PLXDC2: variants seen among roughly 807,000 people sequenced by gnomAD.
PLXDC2 encodes the protein plexin domain containing 2, also known as plexin domain-containing protein 2.
PLXDC2 carries 40 observed loss-of-function variants against 68.9 expected under a neutral mutation model. That is an observed-to-expected ratio of 0.58 (90% CI 0.45 to 0.76). The LOEUF (loss-of-function observed/expected upper bound fraction) is 0.76. Ranked by LOEUF, PLXDC2 falls within the 30% of genes least tolerant of loss-of-function variation. The pLI, the probability that PLXDC2 is intolerant of heterozygous loss-of-function variation, is 0.00. For synonymous variants in PLXDC2, 243 were observed against 234.2 expected (o/e 1.04, Z -0.34); for missense variants, 644 against 661.9 (o/e 0.97, Z 0.30).
intron 1 of PLXDC2, among the ~76,000 whole-genome samples, chr10:19,865,264 T>C (rs1239700727): frequency 1.3e-5 from 2 of 152,190 alleles, no homozygotes; most frequent in African/African-American, 4.8e-5. Flanking sequence ...GTGGCTTCTC[T>C]CCTGGGTGAT....
intron 13 of PLXDC2, among the ~76,000 whole-genome samples, chr10:20,253,793 TA>T (rs1835709151): frequency 6.6e-6 from 1 of 152,322 alleles, no homozygotes; most frequent in Non-Finnish European, 1.5e-5. Context: ...ATGTTTGATA[TA>T]AAAAATGATT....
chr10:20,074,482 A>C (rs542531159), intron 4 of PLXDC2, among the ~76,000 whole-genome samples: 56 of 152,222 alleles, frequency 3.7e-4, no homozygotes, highest in African/African-American at 1.3e-3. Flanking sequence ...AACTTAGAGT[A>C]GTTTCCTATA....
chr10:19,917,258 G>C (rs1479764788), intron 1 of PLXDC2, among the ~76,000 whole-genome samples: 1 of 151,940 alleles, frequency 6.6e-6, no homozygotes, highest in African/African-American at 2.4e-5. Flanking sequence ...CACAGAGGCA[G>C]GATAGAACTG....
chr10:20,122,392 G>T (rs368412567), intron 4 of PLXDC2, among the ~76,000 whole-genome samples: 1 of 152,202 alleles, frequency 6.6e-6, no homozygotes, highest in Non-Finnish European at 1.5e-5. Flanking sequence ...TGATGGTCTA[G>T]GGGGCTTTCG....
intron 4 of PLXDC2, among the ~76,000 whole-genome samples, chr10:20,127,683 A>G (rs1833811185): frequency 1.3e-5 from 2 of 152,106 alleles, no homozygotes; most frequent in Non-Finnish European, 2.9e-5. Context: ...GATAATTTTT[A>G]AGTCCTTAGA....
intron 1 of PLXDC2, among the ~76,000 whole-genome samples, chr10:19,959,247 T>G (rs539616889): frequency 4.6e-5 from 7 of 152,188 alleles, no homozygotes; most frequent in Non-Finnish European, 7.4e-5. Context: ...GAATGATTTT[T>G]AAGGAAAGGA....
intron 1 of PLXDC2, among the ~76,000 whole-genome samples, chr10:19,866,956 A>G (rs1464308246): frequency 6.6e-6 from 1 of 152,140 alleles, no homozygotes; most frequent in Non-Finnish European, 1.5e-5. Flanking sequence ...GGGTCAGCAG[A>G]AAAGAATATG....
chr10:20,009,044 G>A (rs1362256823), intron 2 of PLXDC2, among the ~76,000 whole-genome samples: 1 of 152,174 alleles, frequency 6.6e-6, no homozygotes, highest in Admixed American at 6.5e-5. Context: ...ATTATCCATA[G>A]ATGTGGAAAA....
intron 13 of PLXDC2, among the ~76,000 whole-genome samples, chr10:20,260,507 G>A (rs116313602): frequency 0.021 from 3,167 of 152,222 alleles, 120 homozygotes; most frequent in African/African-American, 0.071. Flanking sequence ...GTTCATCTAC[G>A]TTGTTGCAAA....
At chr10:20,262,899 C>T (rs1855085) in intron 13 of PLXDC2, among the ~76,000 whole-genome samples, 118,701 of 152,144 alleles carry the variant, frequency 0.78, 46,727 homozygotes, top group Middle Eastern at 0.84. Flanking sequence ...GCCAGATATA[C>T]TGAGCCATTA....
At chr10:20,052,949 G>T (rs529448258) in intron 3 of PLXDC2, among the ~76,000 whole-genome samples, 50 of 151,994 alleles carry the variant, frequency 3.3e-4, no homozygotes, top group Non-Finnish European at 5.7e-4. Flanking sequence ...TTTTTTTAAA[G>T]AAATATTTCC....
intron 2 of PLXDC2, among the ~76,000 whole-genome samples, chr10:20,036,918 C>G (rs910287923): frequency 6.6e-6 from 1 of 152,174 alleles, no homozygotes; most frequent in Non-Finnish European, 1.5e-5. Flanking sequence ...GATACCAGTG[C>G]TAATTGTAAC....
At chr10:20,118,541 G>A (rs777264119) in intron 4 of PLXDC2, among the ~76,000 whole-genome samples, 25 of 152,132 alleles carry the variant, frequency 1.6e-4, no homozygotes, top group Admixed American at 3.9e-4. Context: ...TGATAGGAGC[G>A]GCACTGCACA....
intron 4 of PLXDC2, among the ~76,000 whole-genome samples, chr10:20,140,039 G>A (rs191509571): frequency 2.6e-5 from 4 of 152,130 alleles, no homozygotes; most frequent in African/African-American, 7.2e-5. Context: ...GGTGGCACAC[G>A]CCTGTAATCC....
At chr10:20,148,083 T>C (rs2358851) in intron 6 of PLXDC2, among the ~76,000 whole-genome samples, 181 bp downstream of exon 6, 94,906 of 151,904 alleles carry the variant, frequency 0.62, 30,120 homozygotes, top group Middle Eastern at 0.71. Flanking sequence ...GCATTGATTG[T>C]TAGCTCTTTT....
In PLXDC2 at chr10:20,280,831, A is replaced by C. The variant is rs925631126; in HGVS notation, c.*1012A>C. 12 of 152,126 alleles carry C rather than the reference A, an allele frequency of 7.9e-5. No homozygotes were observed. The highest frequency in any genetic ancestry group is 1.3e-4 in the Admixed American group (2 of 15,264). The allele number at this position is 152,126 out of a possible 1,614,324, so 9.4% of individuals were successfully genotyped here. ...TCCTGTCTAAGAAGCCATTCACGTC[A>C]GCATGGCGATAGAAAGAATGAAAAA... On this transcript the variant is annotated 3_prime_UTR_variant, in exon 14 of 14. Coordinates refer to ENST00000377252, the MANE Select transcript of PLXDC2 (RefSeq NM_032812.9).
At chr10:20,137,577 C>T (rs1833950333) in intron 4 of PLXDC2, among the ~76,000 whole-genome samples, 1 of 152,216 alleles carries the variant, frequency 6.6e-6, no homozygotes, top group Non-Finnish European at 1.5e-5. Flanking sequence ...CACCACCCTG[C>T]TCTAAGGCAT....
At chr10:19,937,017 A>G (rs770377195) in intron 1 of PLXDC2, among the ~76,000 whole-genome samples, 15 of 152,098 alleles carry the variant, frequency 9.9e-5, no homozygotes, top group African/African-American at 3.6e-4. Flanking sequence ...TGATGTTCCT[A>G]TTGACTTTGT....
chr10:20,065,582 T>G (rs1275000240), intron 3 of PLXDC2, among the ~76,000 whole-genome samples: 1 of 152,154 alleles, frequency 6.6e-6, no homozygotes, highest in Non-Finnish European at 1.5e-5. Flanking sequence ...TAATATATAG[T>G]GAAATGATTA....
Sources: allele counts gnomAD v4.1 joint callset (sites outside exome capture counted in the v4.1 genomes callset), GRCh38; gene constraint gnomAD v4.1.1; transcripts MANE v1.5; gene names NCBI Gene and HGNC (gene_info 2026-07-23, HGNC 2026-07-21).